The following TENM2 variants were observed in gnomAD, a reference collection of about 807,000 sequenced individuals.
The protein encoded by TENM2 is teneurin transmembrane protein 2.
A neutral mutation model predicts 245.2 loss-of-function variants in TENM2; 52 were observed. That is an observed-to-expected ratio of 0.21 (90% CI 0.17 to 0.27). The LOEUF is 0.27. Ranked by LOEUF, TENM2 falls within the 10% of genes least tolerant of loss-of-function variation. The pLI, the probability that TENM2 is intolerant of heterozygous loss-of-function variation, is 1.00. For synonymous variants in TENM2, 1,363 were observed against 1,438.9 expected (o/e 0.95, Z 1.19); for missense variants, 3,046 against 3,666.8 (o/e 0.83, Z 4.37).
At chr5:168,235,837 C>G (rs1221626575) in intron 25 of TENM2, among the ~76,000 whole-genome samples, 1 of 151,556 alleles carries the variant, frequency 6.6e-6, no homozygotes, top group African/African-American at 2.4e-5. Flanking sequence ...GTGATGGGTG[C>G]TTTGGGAAAA....
chr5:168,016,538 G>C (rs1044036590), intron 5 of TENM2, among the ~76,000 whole-genome samples: 11 of 152,186 alleles, frequency 7.2e-5, no homozygotes, highest in African/African-American at 2.7e-4. Context: ...AGCAAGAGTG[G>C]CTTCAAAGTC....
intron 5 of TENM2, among the ~76,000 whole-genome samples, chr5:167,997,939 G>A (rs1784175797): frequency 6.6e-6 from 1 of 152,180 alleles, no homozygotes; most frequent in African/African-American, 2.4e-5. Flanking sequence ...AATGAAGCAG[G>A]TGACTGACAT....
chr5:167,112,118 T>C, the TENM2 span, among the ~76,000 whole-genome samples: 11 of 152,180 alleles, frequency 7.2e-5, no homozygotes, highest in Admixed American at 6.5e-5. Context: ...GGCTAATCCA[T>C]ATATGACACA....
intron 2 of TENM2, among the ~76,000 whole-genome samples, chr5:167,461,232 T>C (rs950822403): frequency 6.6e-6 from 1 of 152,054 alleles, no homozygotes; most frequent in Non-Finnish European, 1.5e-5. Flanking sequence ...TTTTTTTTTT[T>C]AACTTTCTTT....
chr5:167,192,940 G>C, the TENM2 span, among the ~76,000 whole-genome samples: 1 of 151,960 alleles, frequency 6.6e-6, no homozygotes, highest in Non-Finnish European at 1.5e-5. Context: ...ATGTAAGGAG[G>C]GAGGCAGCAG....
At chr5:167,536,232 C>G (rs1179289174) in intron 2 of TENM2, among the ~76,000 whole-genome samples, 1 of 151,918 alleles carries the variant, frequency 6.6e-6, no homozygotes, top group Non-Finnish European at 1.5e-5. Flanking sequence ...AAATTTTTAT[C>G]ATAATGACTG....
rs17068879 is a variant in TENM2, at chr5:167,636,353, A to C, written c.503-239633A>C. Among the ~76,000 whole-genome samples, 1,764 of 152,356 alleles carry C rather than the reference A, an allele frequency of 0.012. 44 individuals carry two copies. The East Asian group carries it at 0.12, about 11-fold the overall frequency. ...GCTAAATGATTCTCTTGAGTTCAAG[A>C]ATATAAATTGGTGAGTGGCTATCTG... is the stretch of plus-strand genomic sequence containing the variant. On this transcript the variant is annotated intron_variant, in intron 2 of 28. Coordinates refer to ENST00000518659, the Ensembl canonical transcript of TENM2.
intron 2 of TENM2, among the ~76,000 whole-genome samples, chr5:167,657,033 C>T (rs1754888702): frequency 6.6e-6 from 1 of 151,546 alleles, no homozygotes; most frequent in Non-Finnish European, 1.5e-5. Flanking sequence ...GTAGTCCTAC[C>T]AGTGGTACAA....
At chr5:167,952,538 T>C (rs774161000) in intron 3 of TENM2, 50 bp from the exon 6 acceptor site, 2 of 1,477,168 alleles carry the variant, frequency 1.4e-6, no homozygotes, top group South Asian at 2.4e-5. Flanking sequence ...GCAGAGTGCC[T>C]GAGACTGGAA....
At chr5:168,113,605 A>C (rs1794847853) in intron 9 of TENM2, among the ~76,000 whole-genome samples, 1 of 140,954 alleles carries the variant, frequency 7.1e-6, no homozygotes, top group African/African-American at 2.6e-5. Flanking sequence ...TCCCTTACAG[A>C]GAACTTTGTG....
At chr5:167,063,630 A>G in the TENM2 span, among the ~76,000 whole-genome samples, 1 of 152,216 alleles carries the variant, frequency 6.6e-6, no homozygotes, top group Non-Finnish European at 1.5e-5. Flanking sequence ...TATTTGAACT[A>G]CAGCCAACAA....
the TENM2 span, among the ~76,000 whole-genome samples, chr5:167,275,219 A>G: frequency 6.6e-6 from 1 of 151,992 alleles, no homozygotes; most frequent in Non-Finnish European, 1.5e-5. Flanking sequence ...ATCCATTAAT[A>G]TGTGTGTCTG....
chr5:167,779,342 CA>C (rs1274384734), intron 2 of TENM2, among the ~76,000 whole-genome samples: 2 of 152,178 alleles, frequency 1.3e-5, no homozygotes, highest in African/African-American at 2.4e-5. Flanking sequence ...CGACTGCAAC[CA>C]AGAAGCAACC....
chr5:168,062,450 A>G (rs1470843001), intron 7 of TENM2, among the ~76,000 whole-genome samples, 185 bp downstream of exon 9: 2 of 152,204 alleles, frequency 1.3e-5, no homozygotes, highest in Non-Finnish European at 2.9e-5. Context: ...GAAATGGTGC[A>G]GCTGTTGTGG....
At chr5:167,444,983 A>T (rs999824026) in intron 2 of TENM2, among the ~76,000 whole-genome samples, 5 of 152,104 alleles carry the variant, frequency 3.3e-5, no homozygotes, top group Non-Finnish European at 7.4e-5. Context: ...AATAAGTACA[A>T]TAATGTTACC....
chr5:168,119,784 C>T (rs1292967938), intron 10 of TENM2, among the ~76,000 whole-genome samples: 1 of 152,096 alleles, frequency 6.6e-6, no homozygotes, highest in Non-Finnish European at 1.5e-5. Context: ...TGTCAACTTG[C>T]CCAACAAACT....
intron 2 of TENM2, among the ~76,000 whole-genome samples, chr5:167,583,399 G>GA (rs1467801767): frequency 6.6e-6 from 1 of 150,502 alleles, no homozygotes; most frequent in East Asian, 2.0e-4. Flanking sequence ...GTGCCTAAAG[G>GA]TGAATAGTCA....
intron 2 of TENM2, among the ~76,000 whole-genome samples, chr5:167,672,225 G>A (rs1755997873): frequency 6.6e-6 from 1 of 151,764 alleles, no homozygotes; most frequent in East Asian, 1.9e-4. Flanking sequence ...ATAACACACT[G>A]ACAGAGTATC....
chr5:167,386,180 A>AT (rs927706118), intron 2 of TENM2, among the ~76,000 whole-genome samples: 2 of 151,322 alleles, frequency 1.3e-5, no homozygotes, highest in African/African-American at 2.4e-5. Context: ...CGCATCTATT[A>AT]TTTTTGGATT....
Sources: gnomAD v4.1 joint callset for allele counts (sites outside exome capture counted in the v4.1 genomes callset) on GRCh38, gnomAD v4.1.1 for gene constraint, MANE v1.5 for transcripts, NCBI Gene and HGNC (gene_info 2026-07-23, HGNC 2026-07-21) for gene names.